CDC42BPA: variants seen among roughly 807,000 people sequenced by gnomAD.
CDC42BPA encodes the protein serine/threonine-protein kinase MRCK alpha.
In CDC42BPA, 80 loss-of-function variants were observed where a neutral mutation model predicts 223.5. The ratio of observed to expected loss-of-function variants is 0.36; its 90% confidence interval spans 0.30 to 0.43. CDC42BPA has a LOEUF of 0.43. CDC42BPA is among the 20% of genes least tolerant of loss of function. The pLI, the probability that CDC42BPA is intolerant of heterozygous loss-of-function variation, is 1.00. For missense variants in CDC42BPA, 1,743 were observed against 2,099.9 expected (o/e 0.83, Z 3.32); for synonymous variants, 694 against 718.6 (o/e 0.97, Z 0.55).
At chr1:227,042,829 C>G (rs1189094110) in intron 23 of CDC42BPA, among the ~76,000 whole-genome samples, 1 of 152,090 alleles carries the variant, frequency 6.6e-6, no homozygotes, top group African/African-American at 2.4e-5. Flanking sequence ...ATTATGTGAT[C>G]ATTTGGAGTA....
intron 5 of CDC42BPA, among the ~76,000 whole-genome samples, chr1:227,167,927 C>A (rs1306955738): frequency 1.2e-5 from 1 of 82,768 alleles, no homozygotes; most frequent in African/African-American, 5.6e-5. Flanking sequence ...ATAAATTCTT[C>A]TGTTCTTTTT....
chr1:227,143,574 G>A (rs11811100), intron 8 of CDC42BPA, among the ~76,000 whole-genome samples: 9,225 of 152,238 alleles, frequency 0.061, 857 homozygotes, highest in African/African-American at 0.2. Context: ...GTGCTGAAGC[G>A]CTGTCTAGTG....
intron 15 of CDC42BPA, among the ~76,000 whole-genome samples, chr1:227,095,191 C>T (rs1683762272): frequency 6.6e-6 from 1 of 152,128 alleles, no homozygotes; most frequent in Non-Finnish European, 1.5e-5. Context: ...GTTCAATGAA[C>T]GTATACTTAA....
chr1:227,112,067 C>CCGT lies in CDC42BPA; in HGVS notation c.2001+244_2001+245insACG. ...TACCAGTACATCTTGTGTAGGTCTGCATAAACATTCTAACTCCCTCCTGAT... is the reference window on the plus strand; with the variant it reads ...TACCAGTACATCTTGTGTAGGTCTGCCGTATAAACATTCTAACTCCCTCCTGAT... On this transcript the variant is annotated intron_variant, in intron 14 of 36. Coordinates refer to ENST00000366766, the MANE Select transcript of CDC42BPA (RefSeq NM_001394014.1). 3.1e-5 allele frequency: 10 copies of CCGT among 320,754 alleles called. No homozygotes were observed. In the South Asian group the frequency reaches 3.5e-4, roughly 11 times the overall value. The allele number at this position is 320,754 out of a possible 1,614,324, so 19.9% of individuals were successfully genotyped here. A position where few individuals can be genotyped will look rare whatever the true frequency, so the allele number is the denominator to read the frequency against.
intron 2 of CDC42BPA, among the ~76,000 whole-genome samples, chr1:227,225,746 G>A (rs925099900): frequency 3.3e-5 from 5 of 152,078 alleles, no homozygotes; most frequent in African/African-American, 1.2e-4. Flanking sequence ...TTTTAAAGAA[G>A]CAATTGGTCA....
At chr1:227,122,012 G>A (rs1688756068) in intron 11 of CDC42BPA, among the ~76,000 whole-genome samples, 1 of 151,900 alleles carries the variant, frequency 6.6e-6, no homozygotes. Context: ...TGTTGACCAG[G>A]CTGGTCTCAA....
chr1:227,310,971 G>A (rs1573014080), intron 1 of CDC42BPA, among the ~76,000 whole-genome samples: 1 of 151,856 alleles, frequency 6.6e-6, no homozygotes, highest in African/African-American at 2.4e-5. Context: ...GATTACAGGC[G>A]TAAACCACCG....
chr1:227,084,879 C>A (rs1214498086), intron 16 of CDC42BPA, among the ~76,000 whole-genome samples: 2 of 151,980 alleles, frequency 1.3e-5, no homozygotes, highest in African/African-American at 4.8e-5. Context: ...GAGAGAAGAA[C>A]CCCCTCCCTA....
At chr1:227,192,277 T>A (rs1409886759) in intron 5 of CDC42BPA, among the ~76,000 whole-genome samples, 2 of 150,218 alleles carry the variant, frequency 1.3e-5, no homozygotes. Context: ...CACCCAAAAC[T>A]TAAAAGAAAC....
intron 5 of CDC42BPA, among the ~76,000 whole-genome samples, chr1:227,191,028 C>T (rs897577691): frequency 2.0e-5 from 3 of 151,996 alleles, no homozygotes; most frequent in Admixed American, 6.6e-5. Context: ...AAAAGCAAAA[C>T]TAGAACCAAT....
intron 16 of CDC42BPA, among the ~76,000 whole-genome samples, chr1:227,087,522 T>C (rs888988677): frequency 6.6e-6 from 1 of 152,210 alleles, no homozygotes; most frequent in Non-Finnish European, 1.5e-5. Context: ...GTCTTTTCTA[T>C]TCCTCTATAA....
In CDC42BPA at chr1:227,273,995, C is replaced by CAAAAAAAAAAAAAAAAAAAAA. The variant is rs10599884; in HGVS notation, c.179-19861_179-19841dup. Among the ~76,000 whole-genome samples, 24 of 57,004 alleles carry CAAAAAAAAAAAAAAAAAAAAA rather than the reference C, an allele frequency of 4.2e-4. 1 individual carries two copies. The highest frequency in any genetic ancestry group is 1.5e-3 in the African/African-American group (24 of 15,672). 37.4% of individuals were successfully genotyped at this position (57,004 alleles called of 152,430 possible). ...ATAGTTTTCAAATATTCGTATACAC[C>CAAAAAAAAAAAAAAAAAAAAA]AAAAAAAAAAAAAAAAAAAAAAAAA... On this transcript the variant is annotated intron_variant, in intron 1 of 36. Transcript: ENST00000366766.
chr1:227,063,374 A>G (rs1676333411), intron 21 of CDC42BPA, among the ~76,000 whole-genome samples: 1 of 152,154 alleles, frequency 6.6e-6, no homozygotes, highest in South Asian at 2.1e-4. Flanking sequence ...GCAGAAACCA[A>G]AAGAAATAAT....
chr1:227,193,063 CT>C (rs1160548241), intron 5 of CDC42BPA, among the ~76,000 whole-genome samples: 2,023 of 116,978 alleles, frequency 0.017, 7 homozygotes, highest in Non-Finnish European at 0.025. Context: ...GAAGTGAGAA[CT>C]TTTTTTTTTT....
chr1:227,292,499 TA>T (rs1369275700), intron 1 of CDC42BPA, among the ~76,000 whole-genome samples: 1 of 152,198 alleles, frequency 6.6e-6, no homozygotes, highest in Admixed American at 6.5e-5. Context: ...TAAAACTTTT[TA>T]AAAATATTTT....
intron 2 of CDC42BPA, among the ~76,000 whole-genome samples, chr1:227,245,284 CTTTTTTTTTTTT>C (rs759666049): frequency 4.9e-5 from 4 of 81,786 alleles, no homozygotes; most frequent in East Asian, 3.5e-4. Context: ...TGTCTTGCAT[CTTTTTTTTTTTT>C]TTTTTTTTTT....
chr1:227,306,219 G>T (rs1419340819), intron 1 of CDC42BPA, among the ~76,000 whole-genome samples: 2 of 148,102 alleles, frequency 1.4e-5, no homozygotes, highest in Non-Finnish European at 1.5e-5. Flanking sequence ...AGAGGTACAT[G>T]TAATAAGGAA....
At chr1:227,306,745 G>A (rs1446264289) in intron 1 of CDC42BPA, among the ~76,000 whole-genome samples, 1 of 152,170 alleles carries the variant, frequency 6.6e-6, no homozygotes, top group Non-Finnish European at 1.5e-5. Flanking sequence ...CAGATCACAG[G>A]TAGCTAGCAA....
intron 2 of CDC42BPA, among the ~76,000 whole-genome samples, chr1:227,220,023 G>C (rs796263787): frequency 2.0e-5 from 3 of 152,024 alleles, no homozygotes; most frequent in African/African-American, 7.2e-5. Flanking sequence ...TCAGTCATGC[G>C]TCAAGTGCTC....
Sources: allele counts gnomAD v4.1 joint callset (sites outside exome capture counted in the v4.1 genomes callset), GRCh38; gene constraint gnomAD v4.1.1; transcripts MANE v1.5; gene names NCBI Gene and HGNC (gene_info 2026-07-23, HGNC 2026-07-21).